Variants in ADGRD1 observed in about 807,000 individuals in gnomAD.
ADGRD1 encodes the protein adhesion G protein-coupled receptor D1.
In ADGRD1, 77 loss-of-function variants were observed where a neutral mutation model predicts 113.4. That is an observed-to-expected ratio of 0.68 (90% confidence interval 0.57 to 0.82). The LOEUF is 0.82. ADGRD1 is among the 40% of genes least tolerant of loss of function. ADGRD1 has a pLI of 0.00. For synonymous variants in ADGRD1, 474 were observed against 475.0 expected (o/e 1.00, Z 0.03); for missense variants, 1,036 against 1,139.1 (o/e 0.91, Z 1.30).
intron 13 of ADGRD1, among the ~76,000 whole-genome samples, chr12:131,054,641 T>C (rs1244778918): frequency 1.3e-5 from 2 of 152,200 alleles, no homozygotes; most frequent in African/African-American, 2.4e-5. Flanking sequence ...GGGCGCTTCC[T>C]TCCTGCATGT....
intron 12 of ADGRD1, 87 bp from the exon 13 acceptor site, chr12:131,014,112 G>A: frequency 1.5e-6 from 2 of 1,325,492 alleles, no homozygotes; most frequent in Non-Finnish European, 2.1e-6. Context: ...ATAGTTTTGG[G>A]TGGAACGCTG....
At chr12:131,120,721 T>C in intron 19 of ADGRD1, 126 bp from the exon 20 acceptor site, 1 of 846,190 alleles carries the variant, frequency 1.2e-6, no homozygotes, top group Non-Finnish European at 2.1e-6. Context: ...ATTAGGAATG[T>C]TGTATGACTG....
chr12:131,017,453 C>A (rs1398436648), intron 13 of ADGRD1, among the ~76,000 whole-genome samples: 2 of 150,084 alleles, frequency 1.3e-5, no homozygotes, highest in Non-Finnish European at 3.0e-5. Flanking sequence ...CACATACACC[C>A]AGCACAGACA....
chr12:130,968,603 C>T, intron 3 of ADGRD1: 1 of 213,444 alleles, frequency 4.7e-6, no homozygotes, highest in Non-Finnish European at 9.3e-6. Context: ...CTCATCAGTT[C>T]TTGTGACATC....
chr12:130,987,103 TG>T lies in ADGRD1; in HGVS notation c.501del (p.Trp167Ter). The T allele has an allele frequency of 6.2e-7, 1 of 1,613,854 alleles. No homozygotes were observed. Among genetic ancestry groups the T allele is most frequent in the South Asian group, 1.1e-5 (1 of 91,058 alleles). On this transcript the variant is annotated frameshift_variant, in exon 6 of 25. Coordinates refer to ENST00000261654, the MANE Select transcript of ADGRD1 (RefSeq NM_198827.5). LOFTEE classifies it high-confidence loss of function. ...TCTTCACTCTTTTCCAGGCCCCTAT[TG>T]GACTCATGTCCTATTTACATGGAAA... The part of the protein sequence containing the change: ...EASFSPPGPY[W>X]THVLFTWKSK...
chr12:130,966,434 T>C lies in ADGRD1; in HGVS notation c.104-29T>C. 2.1e-6 allele frequency: 3 copies of C among 1,458,858 alleles called. No homozygotes were observed. The highest frequency in any genetic ancestry group is 1.9e-6 in the Non-Finnish European group (2 of 1,038,658). 90.4% of individuals were successfully genotyped at this position (1,458,858 alleles called of 1,614,324 possible). On this transcript the variant is annotated intron_variant, in intron 2 of 24. Transcript: ENST00000261654. This position sits in a 1 kb window ranked among gnomAD's most constrained non-coding sequence, Gnocchi z 4.6. ...CTGGTTCTTTCCTCTCTAATGATGA[T>C]TTAAAATTTTTATTCTTTTTTCCCC...
rs1396236363 is a variant in ADGRD1, at chr12:131,096,132, C to G, written c.1672-8699C>G. 6.6e-6 allele frequency among the ~76,000 whole-genome samples: 1 copy of G among 152,200 alleles called. No homozygotes were observed. Among genetic ancestry groups the G allele is most frequent in the Non-Finnish European group, 1.5e-5 (1 of 68,038 alleles). On this transcript the variant is annotated intron_variant, in intron 15 of 24. Coordinates refer to ENST00000261654, the MANE Select transcript of ADGRD1 (RefSeq NM_198827.5). This position sits in a 1 kb window ranked among gnomAD's most constrained non-coding sequence, Gnocchi z 5.2. Reference sequence around the variant, plus strand: ...CGCAGTTGCTGAGCCTGGGGCCCCGCTTTGCTCTTTGTTCTTTTTTTGTTT... The same window carrying G: ...CGCAGTTGCTGAGCCTGGGGCCCCGGTTTGCTCTTTGTTCTTTTTTTGTTT...
chr12:131,037,409 T>A (rs1406245895), intron 13 of ADGRD1, among the ~76,000 whole-genome samples: 1 of 142,868 alleles, frequency 7.0e-6, no homozygotes, highest in Non-Finnish European at 1.5e-5. Context: ...CAGGTCTCAG[T>A]CACTGCACTG....
intron 19 of ADGRD1, 155 bp from the exon 20 acceptor site, chr12:131,120,692 T>C (rs1274964877): frequency 2.7e-6 from 2 of 743,966 alleles, no homozygotes; most frequent in African/African-American, 3.4e-5. Flanking sequence ...TCATCATGGA[T>C]AAAAATACAT....
At chr12:130,999,803 TA>T (rs1188606784) in intron 8 of ADGRD1, among the ~76,000 whole-genome samples, 1 of 152,226 alleles carries the variant, frequency 6.6e-6, no homozygotes, top group Non-Finnish European at 1.5e-5. Flanking sequence ...TCTGCTTTTT[TA>T]AAACGAAGTA....
intron 11 of ADGRD1, among the ~76,000 whole-genome samples, chr12:131,005,565 C>G (rs1266081337): frequency 6.6e-6 from 1 of 152,136 alleles, no homozygotes; most frequent in Admixed American, 6.5e-5. Context: ...ACGGGATGCA[C>G]TCGTGGGGCA....
At chr12:131,106,012 C>T in intron 17 of ADGRD1, 147 bp downstream of exon 17, 1 of 657,868 alleles carries the variant, frequency 1.5e-6, no homozygotes, top group South Asian at 1.8e-5. Flanking sequence ...TCGGGGGAAG[C>T]AGAGATCGTG....
chr12:131,121,846 G>C (rs981013261), intron 20 of ADGRD1: 7 of 152,324 alleles, frequency 4.6e-5, no homozygotes, highest in African/African-American at 1.2e-4. Context: ...CACTCCCATC[G>C]CAAGTCCCAG....
chr12:131,068,514 T>C (rs1312850279), intron 13 of ADGRD1, among the ~76,000 whole-genome samples: 2 of 152,190 alleles, frequency 1.3e-5, no homozygotes, highest in African/African-American at 4.8e-5. Flanking sequence ...TCCAGGTGGC[T>C]GAGGCTGTTT....
Position 131,005,982 on chromosome 12 carries a change from C to T in ADGRD1, c.1266C>T (p.Thr422=), listed in dbSNP as rs765909338. 2.3e-5 allele frequency: 37 copies of T among 1,611,378 alleles called. No individual in the cohort carries two copies. The African/African-American group carries it at 2.9e-4, about 13-fold the overall frequency. The change falls in exon 12 of 25, where the codon ACC becomes ACT. Residue 422 remains threonine (T), a synonymous_variant. Coordinates refer to ENST00000261654, the MANE Select transcript of ADGRD1 (RefSeq NM_198827.5). ...CTGCTCTCTCTGCAGCCTGGAGCAC[C>T]GTCGTGGGTCTGCTGTACCACAGCA... ...HEAFHRHAWS[T]VVGLLYHSMH... is the part of the protein sequence containing the mutation.
chr12:131,123,972 T>C (rs1320658297), intron 20 of ADGRD1, among the ~76,000 whole-genome samples: 2 of 152,246 alleles, frequency 1.3e-5, no homozygotes, highest in Non-Finnish European at 2.9e-5. Flanking sequence ...GCTTTCAGGC[T>C]AAAACAGCTG....
intron 8 of ADGRD1, among the ~76,000 whole-genome samples, chr12:130,996,823 C>G (rs1397426238): frequency 8.7e-6 from 1 of 114,386 alleles, no homozygotes; most frequent in Non-Finnish European, 1.9e-5. Context: ...GGCGGCTGGC[C>G]GGGCGGGGGG....
intron 20 of ADGRD1, among the ~76,000 whole-genome samples, chr12:131,123,039 G>GTTTTTTTTTTTTTTTTTTTTTT (rs552353187): frequency 1.6e-4 from 8 of 51,364 alleles, no homozygotes; most frequent in Admixed American, 7.0e-4. Flanking sequence ...TACCTGGGGA[G>GTTTTTTTTTTTTTTTTTTTTTT]TTTTTTTTTT....
intron 18 of ADGRD1, among the ~76,000 whole-genome samples, chr12:131,112,753 T>C (rs1426134722): frequency 2.6e-5 from 4 of 152,230 alleles, no homozygotes; most frequent in Non-Finnish European, 5.9e-5. Flanking sequence ...TGGAGTGACA[T>C]GTCTGCCTCT....
Sources: allele counts gnomAD v4.1 joint callset (sites outside exome capture counted in the v4.1 genomes callset), GRCh38; gene constraint gnomAD v4.1.1; non-coding constraint Gnocchi (gnomAD v3.1); transcripts MANE v1.5; gene names NCBI Gene and HGNC (gene_info 2026-07-23, HGNC 2026-07-21).